Variants in PCDHA12 observed in about 807,000 individuals in gnomAD.
PCDHA12 encodes the protein protocadherin alpha 12.
PCDHA12 carries 44 observed loss-of-function variants against 60.0 expected under a neutral mutation model. The ratio of observed to expected loss-of-function variants is 0.73; its 90% CI spans 0.58 to 0.94. The LOEUF is 0.94. Among genes scored for constraint, PCDHA12 ranks in the 40% least tolerant of loss-of-function variants. PCDHA12 has a pLI of 0.00. For missense variants in PCDHA12, 1,276 were observed against 1,239.7 expected, an observed-to-expected ratio of 1.03 and a Z score of -0.44; for synonymous variants, 569 against 553.0, an observed-to-expected ratio of 1.03 and a Z score of -0.40.
intron 2 of PCDHA12, chr5:140,982,224 A>C: frequency 1.7e-6 from 1 of 587,320 alleles, no homozygotes; most frequent in South Asian, 3.8e-5. Flanking sequence ...TGGCGTTAAT[A>C]AAAAACAGAA....
At chr5:140,941,247 CT>C (rs1398354432) in intron 1 of PCDHA12, among the ~76,000 whole-genome samples, 1 of 128,506 alleles carries the variant, frequency 7.8e-6, no homozygotes, top group African/African-American at 2.9e-5. Context: ...TTCTTTCTTT[CT>C]TTCTTTCTCT....
At chr5:140,903,515 G>T (rs542642607) in intron 1 of PCDHA12, among the ~76,000 whole-genome samples, 1 of 152,244 alleles carries the variant, frequency 6.6e-6, no homozygotes, top group Non-Finnish European at 1.5e-5. Context: ...TAGTTCTATT[G>T]TGTTGTTCAC....
chr5:140,967,728 G>C (rs781785028), intron 1 of PCDHA12: 13 of 1,614,176 alleles, frequency 8.1e-6, no homozygotes, highest in Non-Finnish European at 1.1e-5. Flanking sequence ...CGAGTAATTG[G>C]GGGGCTGGAT....
chr5:140,923,245 G>T (rs1584300888), intron 1 of PCDHA12, among the ~76,000 whole-genome samples: 3 of 152,190 alleles, frequency 2.0e-5, no homozygotes, highest in East Asian at 1.9e-4. Context: ...TTTGAGACCA[G>T]CTGGGCAACA....
chr5:140,977,383 G>A (rs2096759264), intron 1 of PCDHA12, among the ~76,000 whole-genome samples: 1 of 152,134 alleles, frequency 6.6e-6, no homozygotes, highest in Non-Finnish European at 1.5e-5. Context: ...ATATTTCCAG[G>A]TTTATAAAAT....
chr5:140,926,651 C>T, intron 1 of PCDHA12: 1 of 496,446 alleles, frequency 2.0e-6, no homozygotes, highest in Non-Finnish European at 3.3e-6. Context: ...CCGGCCGGCT[C>T]CGCTTTCCCA....
At chr5:140,983,184 T>C (rs1367703446) in intron 3 of PCDHA12, among the ~76,000 whole-genome samples, 2 of 152,192 alleles carry the variant, frequency 1.3e-5, no homozygotes, top group Non-Finnish European at 2.9e-5. Flanking sequence ...CACAATTTCT[T>C]AGTTTAGAGG....
Position 140,875,854 on chromosome 5 carries a change from G to T in PCDHA12, c.382G>T (p.Asp128Tyr). 1.2e-6 allele frequency: 2 copies of T among 1,614,160 alleles called. No homozygotes were observed. The highest frequency in any genetic ancestry group is 4.5e-5 in the East Asian group (2 of 44,886). The part of the protein sequence containing the change: ...HVDVEVKDIN[D>Y]NPPVFREREQ... ...GGACGTGGAGGTGAAGGACATTAACGACAACCCGCCGGTGTTCAGAGAAAG... is the reference window on the plus strand; with the variant it reads ...GGACGTGGAGGTGAAGGACATTAACTACAACCCGCCGGTGTTCAGAGAAAG... Residue 128 changes from aspartate to tyrosine, a missense_variant, in exon 1 of 4, where the codon GAC becomes TAC. Physicochemically the swap from Asp to Tyr is radical, Grantham distance 160. Transcript: ENST00000398631.
chr5:141,001,478 A>G, intron 3 of PCDHA12, among the ~76,000 whole-genome samples: 1 of 152,236 alleles, frequency 6.6e-6, no homozygotes, highest in Non-Finnish European at 1.5e-5. Context: ...GCAGCGGGGA[A>G]GTGCTGGAAA....
At chr5:140,970,271 G>A (rs1395602971) in intron 1 of PCDHA12, among the ~76,000 whole-genome samples, 1 of 152,200 alleles carries the variant, frequency 6.6e-6, no homozygotes, top group Non-Finnish European at 1.5e-5. Context: ...TTGATGAGAT[G>A]TAAAGTAGCC....
chr5:140,876,140 C>G lies in PCDHA12; in HGVS notation c.668C>G (p.Thr223Arg). The change falls in exon 1 of 4, where the codon ACA becomes AGA. Residue 223 changes from threonine to arginine, a missense_variant. Physicochemically the swap from Thr to Arg is moderately conservative, Grantham distance 71. Transcript: ENST00000398631. Reference protein sequence around the residue: ...MVIDGGKPELTGSVQIQITVL... With the variant: ...MVIDGGKPELRGSVQIQITVL... Reference sequence around the variant, plus strand: ...ATCGATGGCGGTAAACCAGAACTAACAGGGTCTGTCCAGATTCAAATAACC... The same window carrying G: ...ATCGATGGCGGTAAACCAGAACTAAGAGGGTCTGTCCAGATTCAAATAACC... 6.2e-7 allele frequency: 1 copy of G among 1,613,944 alleles called. No homozygotes were observed. The highest frequency in any genetic ancestry group is 8.5e-7 in the Non-Finnish European group (1 of 1,179,908).
At chr5:140,955,407 C>T (rs1453424058) in intron 1 of PCDHA12, among the ~76,000 whole-genome samples, 1 of 152,098 alleles carries the variant, frequency 6.6e-6, no homozygotes, top group African/African-American at 2.4e-5. Flanking sequence ...ATACAGTTCT[C>T]ATGATAGTGA....
intron 1 of PCDHA12, chr5:140,927,125 G>C (rs782734791): frequency 6.2e-7 from 1 of 1,614,076 alleles, no homozygotes; most frequent in Admixed American, 1.7e-5. Flanking sequence ...TTGGTGGTCA[G>C]AGAGCCGGCG....
intron 1 of PCDHA12, among the ~76,000 whole-genome samples, chr5:140,941,191 T>TTTCTTTCTTCCTTTCTTCCTTTC (rs1487503403): frequency 1.1e-5 from 1 of 93,258 alleles, no homozygotes; most frequent in African/African-American, 3.9e-5. Flanking sequence ...GCTTCTTTTT[T>TTTCTTTCTTCCTTTCTTCCTTTC]TTTCTTTCTT....
rs576414745 is a variant in PCDHA12, at chr5:140,895,584, G to T, written c.2367+17745G>T. Among the ~76,000 whole-genome samples the T allele has an allele frequency of 9.2e-5, 14 of 152,210 alleles. No individual in the cohort carries two copies. In the South Asian group the frequency reaches 2.7e-3, roughly 29 times the overall value. The stretch of plus-strand genomic sequence containing the variant: ...TATTCTAGATGCAATTACTTTATTA[G>T]ATATATAATTTGCAAAGATTTTCTC... On this transcript the variant is annotated intron_variant, in intron 1 of 3. Coordinates refer to ENST00000398631, the MANE Select transcript of PCDHA12 (RefSeq NM_018903.4).
chr5:140,882,958 C>T (rs1582656438), intron 1 of PCDHA12: 1 of 1,614,040 alleles, frequency 6.2e-7, no homozygotes, highest in Non-Finnish European at 8.5e-7. Flanking sequence ...AGCTGCTCAT[C>T]ACGATTCTGG....
At chr5:140,898,797 C>T (rs1210404780) in intron 1 of PCDHA12, among the ~76,000 whole-genome samples, 7 of 152,160 alleles carry the variant, frequency 4.6e-5, no homozygotes, top group East Asian at 1.9e-4. Context: ...GCCATTTTCA[C>T]GATACTGATT....
intron 1 of PCDHA12, chr5:140,926,797 T>G: frequency 2.1e-6 from 3 of 1,450,476 alleles, no homozygotes; most frequent in Non-Finnish European, 1.8e-6. Flanking sequence ...AGGAGCGTGC[T>G]CTTCCCCGCG....
chr5:140,880,645 C>A (rs535367313), intron 1 of PCDHA12, among the ~76,000 whole-genome samples: 1 of 152,032 alleles, frequency 6.6e-6, no homozygotes, highest in Admixed American at 6.6e-5. Context: ...CACTTGAGAG[C>A]CCAACTGAGG....
Sources: gnomAD v4.1 joint callset for allele counts (sites outside exome capture counted in the v4.1 genomes callset) on GRCh38, gnomAD v4.1.1 for gene constraint, MANE v1.5 for transcripts, NCBI Gene and HGNC (gene_info 2026-07-23, HGNC 2026-07-21) for gene names.